CNTN5: variants seen among roughly 807,000 people sequenced by gnomAD.
CNTN5 encodes the protein contactin 5, also known as contactin-5.
A neutral mutation model predicts 129.1 loss-of-function variants in CNTN5; 77 were observed. The observed-to-expected ratio is 0.60, with a 90% CI of 0.50 to 0.72. The LOEUF (loss-of-function observed/expected upper bound fraction) is 0.72, where lower values mean the gene tolerates loss of function less well. Among genes scored for constraint, CNTN5 ranks in the 30% least tolerant of loss-of-function variants. The pLI is 0.00. For missense variants in CNTN5, 1,478 were observed against 1,328.8 expected, an observed-to-expected ratio of 1.11 and a Z score of -1.75; for synonymous variants, 509 against 465.6, an observed-to-expected ratio of 1.09 and a Z score of -1.20.
chr11:100,314,522 A>T, intron 21 of CNTN5, among the ~76,000 whole-genome samples: 1 of 152,090 alleles, frequency 6.6e-6, no homozygotes, highest in East Asian at 1.9e-4. Flanking sequence ...TGATGACTGT[A>T]TCCCTGGAAT....
intron 1 of CNTN5, among the ~76,000 whole-genome samples, chr11:99,119,453 C>T (rs1025575432): frequency 2.6e-5 from 4 of 152,074 alleles, no homozygotes; most frequent in East Asian, 1.9e-4. Flanking sequence ...ATCTATGTTC[C>T]TTCAAAGGAC....
At chr11:99,886,326 G>A (rs1406243604) in intron 6 of CNTN5, among the ~76,000 whole-genome samples, 1 of 151,792 alleles carries the variant, frequency 6.6e-6, no homozygotes, top group Admixed American at 6.6e-5. Flanking sequence ...AATATATAAA[G>A]GACTTCTACA....
rs1415439011 is a variant in CNTN5, at chr11:100,356,228, T to C, written c.*8T>C. 6.3e-7 allele frequency: 1 copy of C among 1,579,950 alleles called. No individual in the cohort carries two copies. The highest frequency in any genetic ancestry group is 1.3e-5 in the African/African-American group (1 of 74,154). On this transcript the variant is annotated 3_prime_UTR_variant, in exon 25 of 25. Transcript: ENST00000524871. ...CCTTCAACTTCCTGGTGAAAACTGC[T>C]GACTTAATTTGCTTTTGTTTGCTTT...
intron 3 of CNTN5, among the ~76,000 whole-genome samples, chr11:99,767,724 C>T (rs1944803191): frequency 6.6e-6 from 1 of 151,684 alleles, no homozygotes; most frequent in South Asian, 2.1e-4. Flanking sequence ...GACCTAAGTA[C>T]TCTCTAACCT....
chr11:99,434,902 A>T (rs1295222872), intron 2 of CNTN5, among the ~76,000 whole-genome samples: 1 of 152,188 alleles, frequency 6.6e-6, no homozygotes, highest in Non-Finnish European at 1.5e-5. Context: ...AAAAGGTAGT[A>T]ATCAAGAGTA....
At chr11:99,303,747 T>C (rs1189605866) in intron 1 of CNTN5, among the ~76,000 whole-genome samples, 2 of 152,012 alleles carry the variant, frequency 1.3e-5, no homozygotes, top group African/African-American at 4.8e-5. Flanking sequence ...TCACATTTTC[T>C]TTGGTGATTG....
At chr11:99,040,087 G>T (rs1488877115) in intron 1 of CNTN5, among the ~76,000 whole-genome samples, 1 of 152,110 alleles carries the variant, frequency 6.6e-6, no homozygotes, top group African/African-American at 2.4e-5. Context: ...GCAGATGAAT[G>T]GCATGGGAAT....
At chr11:99,649,099 A>C (rs1952066143) in intron 3 of CNTN5, among the ~76,000 whole-genome samples, 1 of 151,820 alleles carries the variant, frequency 6.6e-6, no homozygotes, top group Non-Finnish European at 1.5e-5. Context: ...GAATCTTGAT[A>C]TGCTAGTTGT....
intron 3 of CNTN5, among the ~76,000 whole-genome samples, chr11:99,589,251 T>C (rs1234657011): frequency 6.6e-6 from 1 of 152,214 alleles, no homozygotes; most frequent in Admixed American, 6.5e-5. Flanking sequence ...CAGACAAATG[T>C]AGTCATGATT....
chr11:99,392,030 T>C (rs1397454108), intron 2 of CNTN5, among the ~76,000 whole-genome samples: 1 of 151,892 alleles, frequency 6.6e-6, no homozygotes, highest in African/African-American at 2.4e-5. Context: ...TTATTTGTTT[T>C]GTAACAAAAT....
At chr11:99,820,549 G>A (rs1472036905) in intron 4 of CNTN5, among the ~76,000 whole-genome samples, 1 of 152,298 alleles carries the variant, frequency 6.6e-6, no homozygotes, top group African/African-American at 2.4e-5. Context: ...GTCATTTTTG[G>A]ATCCATCGAC....
chr11:99,807,096 CTAAT>C lies in CNTN5; in HGVS notation c.56-12447_56-12444del, dbSNP rs144410343. Among the ~76,000 whole-genome samples the C allele has an allele frequency of 4.8e-3, 735 of 151,882 alleles. 3 individuals are homozygous for C. Among genetic ancestry groups the C allele is most frequent in the Admixed American group, 9.6e-3 (146 of 15,252 alleles). On this transcript the variant is annotated intron_variant, in intron 3 of 24. Transcript: ENST00000524871. The stretch of plus-strand genomic sequence containing the variant: ...TATGTATACATGGAAAAATATGTGT[CTAAT>C]AAAGTGCAAATCTAATGAAATATGA...
At chr11:99,830,860 C>T (rs776671309) in intron 4 of CNTN5, among the ~76,000 whole-genome samples, 8 of 152,128 alleles carry the variant, frequency 5.3e-5, no homozygotes, top group Non-Finnish European at 1.2e-4. Context: ...TCAGCACTTA[C>T]AGCAGTGCAA....
chr11:99,218,827 G>A (rs1254859333), intron 1 of CNTN5, among the ~76,000 whole-genome samples: 6 of 151,996 alleles, frequency 3.9e-5, no homozygotes, highest in Non-Finnish European at 8.8e-5. Flanking sequence ...TTGGTGTATG[G>A]AACTTCTAGG....
chr11:99,155,070 T>A (rs939358228), intron 1 of CNTN5, among the ~76,000 whole-genome samples: 2 of 152,090 alleles, frequency 1.3e-5, no homozygotes, highest in Non-Finnish European at 1.5e-5. Context: ...GCTACCAGGA[T>A]CCATGAGGTT....
chr11:99,505,807 C>T (rs1444797618), intron 2 of CNTN5, among the ~76,000 whole-genome samples: 1 of 152,302 alleles, frequency 6.6e-6, no homozygotes, highest in East Asian at 1.9e-4. Context: ...GCTAAAGGAT[C>T]TTCCTCTTTT....
At chr11:99,768,880 A>G (rs1944848124) in intron 3 of CNTN5, among the ~76,000 whole-genome samples, 1 of 152,100 alleles carries the variant, frequency 6.6e-6, no homozygotes, top group Non-Finnish European at 1.5e-5. Context: ...ATGCTACTCC[A>G]CAGTTTTATA....
chr11:99,356,353 A>C (rs1938669298), intron 2 of CNTN5, among the ~76,000 whole-genome samples: 1 of 152,192 alleles, frequency 6.6e-6, no homozygotes, highest in Non-Finnish European at 1.5e-5. Context: ...GACACTCAGC[A>C]TTTAACCAGG....
chr11:99,805,499 T>A (rs774289166), intron 3 of CNTN5, among the ~76,000 whole-genome samples: 3 of 152,216 alleles, frequency 2.0e-5, no homozygotes, highest in Non-Finnish European at 2.9e-5. Flanking sequence ...TTAATTGAAC[T>A]ATTTTCAGCT....
Sources: gnomAD v4.1 joint callset for allele counts (sites outside exome capture counted in the v4.1 genomes callset) on GRCh38, gnomAD v4.1.1 for gene constraint, MANE v1.5 for transcripts, NCBI Gene and HGNC (gene_info 2026-07-23, HGNC 2026-07-21) for gene names.